The following MAP3K5 variants were observed in gnomAD, a reference collection of about 807,000 sequenced individuals.
The protein encoded by MAP3K5 is ASK-1.
MAP3K5 carries 56 observed loss-of-function variants against 158.7 expected under a neutral mutation model. The observed-to-expected ratio is 0.35, with a 90% CI of 0.28 to 0.44. MAP3K5 has a LOEUF of 0.44. Among genes scored for constraint, MAP3K5 ranks in the 20% least tolerant of loss-of-function variants. MAP3K5 has a pLI of 1.00. For missense variants in MAP3K5, 1,294 were observed against 1,674.8 expected, an observed-to-expected ratio of 0.77 and a Z score of 3.97; for synonymous variants, 579 against 601.7, an observed-to-expected ratio of 0.96 and a Z score of 0.55.
At chr6:136,701,218 C>T (rs1279310739) in intron 3 of MAP3K5, among the ~76,000 whole-genome samples, 3 of 152,220 alleles carry the variant, frequency 2.0e-5, no homozygotes, top group Non-Finnish European at 4.4e-5. Context: ...ACAGCAGACA[C>T]ACCTGCTCTC....
At position 136,557,764 on chromosome 6, in the gene MAP3K5, C is replaced by CT. The variant is rs1562503255; in HGVS notation, c.4118dup (p.Thr1374AspfsTer14). On this transcript the variant is annotated frameshift_variant, in exon 30 of 30. Coordinates refer to ENST00000359015, the MANE Select transcript of MAP3K5 (RefSeq NM_005923.4). LOFTEE classifies it high-confidence loss of function. ...AGATTAGATTGAGCAACAGTCAAGT[C>CT]TGTTTGTTTCGAAAGTCAATGATAG... is the stretch of plus-strand genomic sequence containing the variant. 1.2e-6 allele frequency: 2 copies of CT among 1,610,422 alleles called. No individual in the cohort carries two copies.
chr6:136,780,194 A>G lies in MAP3K5; in HGVS notation c.448+11516T>C, dbSNP rs144954907. Among the ~76,000 whole-genome samples, 671 of 152,324 alleles carry G rather than the reference A, an allele frequency of 4.4e-3. 4 individuals are homozygous for G. Among genetic ancestry groups the G allele is most frequent in the African/African-American group, 0.016 (650 of 41,580 alleles). ...CTCCTAGTGATTTGGCTATTTTACA[A>G]TGCTGTTGGGGTAAATATTACCTTA... is the stretch of plus-strand genomic sequence containing the variant. On this transcript the variant is annotated intron_variant, in intron 1 of 29. Coordinates refer to ENST00000359015, the MANE Select transcript of MAP3K5 (RefSeq NM_005923.4).
intron 25 of MAP3K5, among the ~76,000 whole-genome samples, chr6:136,571,844 T>C (rs565476100): frequency 1.3e-5 from 2 of 152,364 alleles, no homozygotes; most frequent in African/African-American, 4.8e-5. Flanking sequence ...CTGTTTTCCA[T>C]AGTAGCAGTA....
intron 8 of MAP3K5, among the ~76,000 whole-genome samples, chr6:136,668,343 C>T (rs1357285646): frequency 6.6e-6 from 1 of 152,142 alleles, no homozygotes; most frequent in African/African-American, 2.4e-5. Context: ...ATGATCGCAC[C>T]ACTGCACCCT....
chr6:136,784,272 GGGGTAAGAAATT>G (rs1439349531), intron 1 of MAP3K5, among the ~76,000 whole-genome samples: 2 of 152,196 alleles, frequency 1.3e-5, no homozygotes, highest in Non-Finnish European at 2.9e-5. Flanking sequence ...CTGATGATGT[GGGGTAAGAAATT>G]GGTACTCTAA....
At chr6:136,637,900 A>G (rs1777723772) in intron 13 of MAP3K5, among the ~76,000 whole-genome samples, 1 of 152,028 alleles carries the variant, frequency 6.6e-6, no homozygotes, top group Non-Finnish European at 1.5e-5. Context: ...CCCTAACACA[A>G]CTCAGAACCT....
chr6:136,600,893 T>C, intron 21 of MAP3K5, 129 bp downstream of exon 21: 1 of 860,306 alleles, frequency 1.2e-6, no homozygotes, highest in Non-Finnish European at 1.9e-6. Flanking sequence ...TTATAGTATC[T>C]AGTACCGCAC....
At chr6:136,674,110 C>A (rs965377251) in intron 7 of MAP3K5, among the ~76,000 whole-genome samples, 6 of 151,410 alleles carry the variant, frequency 4.0e-5, no homozygotes, top group African/African-American at 1.5e-4. Flanking sequence ...GTAGTGACAT[C>A]TTTAGAGTAA....
intron 26 of MAP3K5, 104 bp downstream of exon 26, chr6:136,567,527 T>G: frequency 1.6e-6 from 2 of 1,213,798 alleles, no homozygotes; most frequent in Non-Finnish European, 1.1e-6. Flanking sequence ...TTCAATCAAG[T>G]TTCCATGAAT....
chr6:136,600,906 T>C, intron 21 of MAP3K5, 116 bp downstream of exon 21: 1 of 1,063,576 alleles, frequency 9.4e-7, no homozygotes, highest in South Asian at 1.3e-5. Context: ...TACCGCACCC[T>C]CCTTTCCCCC....
chr6:136,671,534 G>C (rs530478109), intron 7 of MAP3K5, among the ~76,000 whole-genome samples: 26 of 152,274 alleles, frequency 1.7e-4, no homozygotes, highest in African/African-American at 6.0e-4. Flanking sequence ...TGCAGGAAGT[G>C]GGAATTCTCC....
intron 14 of MAP3K5, among the ~76,000 whole-genome samples, chr6:136,626,693 G>A (rs548462097): frequency 1.8e-4 from 28 of 152,030 alleles, no homozygotes; most frequent in African/African-American, 5.3e-4. Flanking sequence ...CAACTTTGCC[G>A]ATGTGCCCTC....
At chr6:136,651,835 T>C (rs1778532057) in intron 10 of MAP3K5, among the ~76,000 whole-genome samples, 3 of 152,110 alleles carry the variant, frequency 2.0e-5, no homozygotes, top group Non-Finnish European at 4.4e-5. Flanking sequence ...TATCTCACAT[T>C]TGGAGTGAAT....
At chr6:136,596,145 G>A (rs1046839923) in intron 21 of MAP3K5, among the ~76,000 whole-genome samples, 8 of 152,130 alleles carry the variant, frequency 5.3e-5, no homozygotes, top group African/African-American at 1.7e-4. Context: ...GCATAGACCC[G>A]GCCCTTAAGA....
At chr6:136,762,862 C>A (rs879370595) in intron 1 of MAP3K5, among the ~76,000 whole-genome samples, 8 of 152,200 alleles carry the variant, frequency 5.3e-5, no homozygotes, top group Non-Finnish European at 7.3e-5. Flanking sequence ...CTCTGTGAAT[C>A]CACCCCTTCA....
At chr6:136,559,435 T>G (rs549526483) in intron 28 of MAP3K5, among the ~76,000 whole-genome samples, 1 of 152,154 alleles carries the variant, frequency 6.6e-6, no homozygotes, top group Non-Finnish European at 1.5e-5. Context: ...AGATTACAAG[T>G]GACACAGAAC....
chr6:136,714,504 G>C (rs1053818407), intron 2 of MAP3K5, among the ~76,000 whole-genome samples: 1 of 152,208 alleles, frequency 6.6e-6, no homozygotes, highest in Middle Eastern at 3.4e-3. Flanking sequence ...AGTTTTCAAC[G>C]TTCATTTATG....
chr6:136,645,214 T>C (rs944475519), intron 11 of MAP3K5, among the ~76,000 whole-genome samples: 2 of 152,212 alleles, frequency 1.3e-5, no homozygotes, highest in Non-Finnish European at 2.9e-5. Context: ...ATTACAGGTG[T>C]GAGTCACCAT....
Position 136,669,273 on chromosome 6 carries a change from T to C in MAP3K5, c.1366+10A>G, listed in dbSNP as rs1453533311. ...CTTGATTTCCATGTAAAATATCAAG[T>C]TGTAATTACCAACTTTCCGGAGCTC... is the stretch of plus-strand genomic sequence containing the variant. On this transcript the variant is annotated intron_variant, in intron 8 of 29. Transcript: ENST00000359015. The C allele has an allele frequency of 1.9e-6, 3 of 1,577,978 alleles. No individual in the cohort carries two copies. Among genetic ancestry groups the C allele is most frequent in the East Asian group, 2.2e-5 (1 of 44,658 alleles).
Sources: allele counts gnomAD v4.1 joint callset (sites outside exome capture counted in the v4.1 genomes callset), GRCh38; gene constraint gnomAD v4.1.1; transcripts MANE v1.5; gene names NCBI Gene and HGNC (gene_info 2026-07-23, HGNC 2026-07-21).